Variants in SAMD12 observed in about 807,000 individuals in gnomAD.
The protein encoded by SAMD12 is sterile alpha motif domain containing 12, also known as sterile alpha motif domain-containing protein 12.
In SAMD12, 9 loss-of-function variants were observed where a neutral mutation model predicts 15.0. That is an observed-to-expected ratio of 0.60 (90% CI 0.36 to 1.05). The LOEUF (loss-of-function observed/expected upper bound fraction) is 1.05, where lower values mean the gene tolerates loss of function less well. Among genes scored for constraint, SAMD12 ranks in the 50% least tolerant of loss-of-function variants. The probability of loss-of-function intolerance (pLI) is 0.01; values close to 1 mark genes in which losing one functional copy is unlikely to be tolerated. For synonymous variants in SAMD12, 86 were observed against 90.1 expected, an observed-to-expected ratio of 0.96 and a Z score of 0.25; for missense variants, 230 against 234.2, an observed-to-expected ratio of 0.98 and a Z score of 0.12.
intron 2 of SAMD12, among the ~76,000 whole-genome samples, chr8:118,465,471 C>A (rs534527361): frequency 6.6e-6 from 1 of 152,286 alleles, no homozygotes; most frequent in Admixed American, 6.5e-5. Context: ...ATAAAAGGGA[C>A]TTCTCATTTG....
chr8:118,327,980 C>G (rs1470304038), intron 4 of SAMD12, among the ~76,000 whole-genome samples: 1 of 152,106 alleles, frequency 6.6e-6, no homozygotes, highest in East Asian at 1.9e-4. Context: ...TTTAAAGAGT[C>G]TTATTATAGA....
intron 2 of SAMD12, among the ~76,000 whole-genome samples, chr8:118,539,432 CAA>C (rs1825932347): frequency 1.3e-5 from 2 of 152,204 alleles, no homozygotes; most frequent in South Asian, 4.1e-4. Flanking sequence ...ACTCCAGCTT[CAA>C]CCACCAATCC....
At chr8:118,423,861 T>C (rs1293593584) in intron 3 of SAMD12, among the ~76,000 whole-genome samples, 1 of 152,058 alleles carries the variant, frequency 6.6e-6, no homozygotes, top group Non-Finnish European at 1.5e-5. Flanking sequence ...ATACGAAAAA[T>C]ACTTCCTCGA....
chr8:118,490,726 A>C (rs1423972856), intron 2 of SAMD12, among the ~76,000 whole-genome samples: 1 of 152,176 alleles, frequency 6.6e-6, no homozygotes, highest in East Asian at 1.9e-4. Context: ...GGATGCAGGA[A>C]GAAGCAGGAA....
At chr8:118,476,683 A>G (rs569839241) in intron 2 of SAMD12, among the ~76,000 whole-genome samples, 1 of 152,324 alleles carries the variant, frequency 6.6e-6, no homozygotes, top group African/African-American at 2.4e-5. Flanking sequence ...TCAATTCAAC[A>G]AATTTGAACA....
chr8:118,289,593 T>C (rs565069428), intron 4 of SAMD12, among the ~76,000 whole-genome samples: 1 of 152,224 alleles, frequency 6.6e-6, no homozygotes, highest in Non-Finnish European at 1.5e-5. Flanking sequence ...TGTTGCCATG[T>C]GTGATGGACC....
At position 118,247,562 on chromosome 8, in the gene SAMD12, A is replaced by C. The variant is rs535865622; in HGVS notation, c.434-49830T>G. Among the ~76,000 whole-genome samples, 10 of 152,016 alleles carry C rather than the reference A, an allele frequency of 6.6e-5. No homozygotes were observed. In the South Asian group the frequency reaches 2.1e-3, roughly 32 times the overall value. ...TACAATTAGTGTCAATTAAAAATAAAAAAAACTTTAAAAATTTTATTTATT... is the reference window on the plus strand; with the variant it reads ...TACAATTAGTGTCAATTAAAAATAACAAAAACTTTAAAAATTTTATTTATT... On this transcript the variant is annotated intron_variant, in intron 4 of 4. Coordinates refer to the SAMD12 transcript ENST00000409003.
chr8:118,285,467 T>C (rs929598945), intron 4 of SAMD12, among the ~76,000 whole-genome samples: 1 of 152,244 alleles, frequency 6.6e-6, no homozygotes, highest in East Asian at 1.9e-4. Context: ...AATAAGGAAC[T>C]GATGCCATTT....
At chr8:118,299,200 G>A (rs932684486) in intron 4 of SAMD12, among the ~76,000 whole-genome samples, 4 of 152,164 alleles carry the variant, frequency 2.6e-5, no homozygotes, top group Admixed American at 6.6e-5. Flanking sequence ...AGAGGGAACT[G>A]ATATATAAAT....
chr8:118,472,249 TGCACTCCAGCC>T (rs1823820827), intron 2 of SAMD12, among the ~76,000 whole-genome samples: 1 of 150,152 alleles, frequency 6.7e-6, no homozygotes, highest in Non-Finnish European at 1.5e-5. Context: ...ATTGTGCCAC[TGCACTCCAGCC>T]CGGGTGACAG....
intron 2 of SAMD12, among the ~76,000 whole-genome samples, chr8:118,450,093 G>A (rs1483598963): frequency 6.6e-6 from 1 of 152,124 alleles, no homozygotes; most frequent in Admixed American, 6.5e-5. Flanking sequence ...ACCTCATGGA[G>A]CTATTTATAA....
intron 1 of SAMD12, among the ~76,000 whole-genome samples, chr8:118,591,045 G>A (rs192924093): frequency 2.1e-4 from 32 of 152,258 alleles, no homozygotes; most frequent in African/African-American, 7.2e-4. Context: ...GGAAACAAAG[G>A]ATAATTGGAA....
the SAMD12 span, among the ~76,000 whole-genome samples, chr8:118,179,439 GAAAAA>G: frequency 1.1e-5 from 1 of 92,300 alleles, no homozygotes; most frequent in Non-Finnish European, 2.2e-5. Flanking sequence ...CTCCGTCTCC[GAAAAA>G]AAAAAAAAAA....
chr8:118,450,300 T>C (rs1192623509), intron 2 of SAMD12, among the ~76,000 whole-genome samples: 3 of 152,162 alleles, frequency 2.0e-5, no homozygotes, highest in Non-Finnish European at 4.4e-5. Context: ...GCAGCCTGGA[T>C]GGCTCTGGTT....
chr8:118,475,444 C>A (rs1055373623), intron 2 of SAMD12, among the ~76,000 whole-genome samples: 3 of 152,266 alleles, frequency 2.0e-5, no homozygotes, highest in Admixed American at 6.5e-5. Flanking sequence ...AAACCTCTTT[C>A]TTTACAAATT....
chr8:118,434,198 A>T (rs1292154494), intron 3 of SAMD12, among the ~76,000 whole-genome samples: 1 of 152,336 alleles, frequency 6.6e-6, no homozygotes, highest in Non-Finnish European at 1.5e-5. Flanking sequence ...TATTTTTAAA[A>T]AGGAAAAGAA....
At chr8:118,368,640 C>G (rs566164998) in intron 4 of SAMD12, among the ~76,000 whole-genome samples, 5 of 152,184 alleles carry the variant, frequency 3.3e-5, no homozygotes, top group East Asian at 1.9e-4. Flanking sequence ...TTTGTAGCTA[C>G]GTTTATTTTC....
chr8:118,528,469 AATGGTAAACCTTTAATC>A (rs1825593822), intron 2 of SAMD12, among the ~76,000 whole-genome samples: 1 of 152,254 alleles, frequency 6.6e-6, no homozygotes, highest in Non-Finnish European at 1.5e-5. Flanking sequence ...ATGTTTTTTA[AATGGTAAACCTTTAATC>A]ATGTTCTAAT....
chr8:118,233,177 C>T (rs546651222), intron 4 of SAMD12, among the ~76,000 whole-genome samples: 1 of 152,116 alleles, frequency 6.6e-6, no homozygotes, highest in African/African-American at 2.4e-5. Context: ...CTCGATAAAT[C>T]CCCCAAAGGG....
Sources: gnomAD v4.1 joint callset for allele counts (sites outside exome capture counted in the v4.1 genomes callset) on GRCh38, gnomAD v4.1.1 for gene constraint, MANE v1.5 for transcripts, NCBI Gene and HGNC (gene_info 2026-07-23, HGNC 2026-07-21) for gene names.